The following NELL1 variants were observed in gnomAD, a reference collection of about 807,000 sequenced individuals.
NELL1 encodes the protein protein kinase C-binding protein NELL1.
NELL1 carries 76 observed loss-of-function variants against 107.4 expected under a neutral mutation model. The ratio of observed to expected loss-of-function variants is 0.71; its 90% CI spans 0.59 to 0.86. The LOEUF (loss-of-function observed/expected upper bound fraction) is 0.86. Among genes scored for constraint, NELL1 ranks in the 40% least tolerant of loss-of-function variants. NELL1 has a pLI of 0.00. For synonymous variants in NELL1, 353 were observed against 341.2 expected (o/e 1.03, Z -0.38); for missense variants, 1,024 against 1,005.5 (o/e 1.02, Z -0.25).
intron 14 of NELL1, among the ~76,000 whole-genome samples, chr11:21,259,612 T>C (rs1025014199): frequency 2.4e-4 from 37 of 151,806 alleles, no homozygotes; most frequent in Non-Finnish European, 5.2e-4. Context: ...ACTAAGAATT[T>C]TGGACCTAAA....
intron 15 of NELL1, among the ~76,000 whole-genome samples, chr11:21,441,455 G>T (rs376533057): frequency 1.3e-5 from 2 of 151,514 alleles, no homozygotes; most frequent in South Asian, 2.1e-4. Context: ...CAGTTCTATT[G>T]TGTAGGGATC....
At chr11:21,404,547 A>G (rs1342600362) in intron 15 of NELL1, among the ~76,000 whole-genome samples, 1 of 151,988 alleles carries the variant, frequency 6.6e-6, no homozygotes, top group Non-Finnish European at 1.5e-5. Flanking sequence ...GCCTAAAGAT[A>G]TTGTGACTTG....
At chr11:21,544,466 A>C (rs1856379437) in intron 16 of NELL1, among the ~76,000 whole-genome samples, 1 of 151,968 alleles carries the variant, frequency 6.6e-6, no homozygotes, top group South Asian at 2.1e-4. Flanking sequence ...AATATCAAAG[A>C]ACAGTCATAA....
rs1277846756 is a variant in NELL1 at position 20,841,913 on chromosome 11, T to C, written c.336-5670T>C. 2.6e-5 allele frequency among the ~76,000 whole-genome samples: 4 copies of C among 152,182 alleles called. No individual in the cohort carries two copies. The East Asian group carries it at 5.8e-4, about 22-fold the overall frequency. On this transcript the variant is annotated intron_variant, in intron 3 of 19. Transcript: ENST00000357134. ...GCAGGTTTAAGATTGCAACTCAAGC[T>C]TCAGTAGTCCCACTACTATTTACTT... is the stretch of plus-strand genomic sequence containing the variant.
chr11:20,882,389 C>A (rs987447209), intron 4 of NELL1, among the ~76,000 whole-genome samples: 1 of 152,108 alleles, frequency 6.6e-6, no homozygotes, highest in East Asian at 1.9e-4. Flanking sequence ...ACATTATGGA[C>A]CTTGTTGGTT....
chr11:20,714,216 TTTTTGA>T, intron 2 of NELL1, among the ~76,000 whole-genome samples: 1 of 143,616 alleles, frequency 7.0e-6, no homozygotes, highest in African/African-American at 2.7e-5. Flanking sequence ...TTTTTTTTTT[TTTTTGA>T]GTTGGAGTTT....
intron 9 of NELL1, among the ~76,000 whole-genome samples, chr11:20,928,783 G>A (rs1362124566): frequency 2.0e-5 from 3 of 152,088 alleles, no homozygotes; most frequent in African/African-American, 4.8e-5. Flanking sequence ...AAGTGGGTGA[G>A]GCTGATCTGT....
intron 13 of NELL1, among the ~76,000 whole-genome samples, chr11:21,184,444 A>G (rs1443455674): frequency 2.6e-5 from 4 of 151,540 alleles, no homozygotes; most frequent in Non-Finnish European, 4.4e-5. Flanking sequence ...TAAATTCTGT[A>G]TTTTTAGTAG....
At chr11:21,390,251 T>C (rs1298728361) in intron 15 of NELL1, among the ~76,000 whole-genome samples, 1 of 151,642 alleles carries the variant, frequency 6.6e-6, no homozygotes, top group Non-Finnish European at 1.5e-5. Flanking sequence ...CTACCTGTTC[T>C]TTTTGAAAGC....
intron 2 of NELL1, among the ~76,000 whole-genome samples, chr11:20,702,458 G>A (rs1854819055): frequency 6.6e-6 from 1 of 152,106 alleles, no homozygotes; most frequent in African/African-American, 2.4e-5. Flanking sequence ...TCTGCAAACA[G>A]GGACAATTTG....
chr11:20,874,322 C>T (rs1192324294), intron 4 of NELL1, among the ~76,000 whole-genome samples: 1 of 152,234 alleles, frequency 6.6e-6, no homozygotes, highest in East Asian at 1.9e-4. Context: ...CCCACCTCAG[C>T]CTCCCAAAGT....
chr11:21,147,017 G>T (rs118144179), intron 13 of NELL1, among the ~76,000 whole-genome samples: 25,464 of 152,084 alleles, frequency 0.17, 2,587 homozygotes, highest in Middle Eastern at 0.3. Flanking sequence ...GCGCTCCAGC[G>T]TGGGTGACAG....
intron 13 of NELL1, among the ~76,000 whole-genome samples, chr11:21,179,813 A>G (rs570835599): frequency 2.5e-4 from 38 of 150,220 alleles, no homozygotes; most frequent in South Asian, 1.5e-3. Context: ...GTTTTTAACC[A>G]AAATATAGGG....
At chr11:20,793,148 G>A (rs1437305344) in intron 3 of NELL1, among the ~76,000 whole-genome samples, 1 of 151,886 alleles carries the variant, frequency 6.6e-6, no homozygotes, top group African/African-American at 2.4e-5. Flanking sequence ...TCTTGGGGAA[G>A]CTGGAAAATA....
chr11:21,022,805 T>C (rs1182168034), intron 12 of NELL1, among the ~76,000 whole-genome samples: 1 of 152,130 alleles, frequency 6.6e-6, no homozygotes, highest in Non-Finnish European at 1.5e-5. Context: ...TAAATTAGAT[T>C]ATGTATGTAT....
chr11:20,689,587 C>T (rs1047731752), intron 2 of NELL1, among the ~76,000 whole-genome samples: 2 of 149,408 alleles, frequency 1.3e-5, no homozygotes, highest in African/African-American at 2.5e-5. Flanking sequence ...TTTCCAATTG[C>T]ATTCATGTCC....
chr11:20,906,894 A>G (rs1850011787), intron 5 of NELL1, among the ~76,000 whole-genome samples: 1 of 152,112 alleles, frequency 6.6e-6, no homozygotes, highest in Non-Finnish European at 1.5e-5. Context: ...ATTATACTCA[A>G]TAGTGAAAGA....
At chr11:21,222,365 ATT>A (rs1320853607) in intron 13 of NELL1, among the ~76,000 whole-genome samples, 1 of 136,244 alleles carries the variant, frequency 7.3e-6, no homozygotes, top group Non-Finnish European at 1.6e-5. Flanking sequence ...ATTTTTTTGT[ATT>A]TTTTTTTTTT....
At chr11:20,875,491 C>T (rs1462975827) in intron 4 of NELL1, among the ~76,000 whole-genome samples, 2 of 152,194 alleles carry the variant, frequency 1.3e-5, no homozygotes, top group Non-Finnish European at 2.9e-5. Context: ...ATTGCTTGAA[C>T]CCAAGAGTTT....
Sources: gnomAD v4.1 joint callset for allele counts (sites outside exome capture counted in the v4.1 genomes callset) on GRCh38, gnomAD v4.1.1 for gene constraint, MANE v1.5 for transcripts, NCBI Gene and HGNC (gene_info 2026-07-23, HGNC 2026-07-21) for gene names.